Variants in ZDHHC17 observed in about 807,000 individuals in gnomAD.
The protein encoded by ZDHHC17 is palmitoyltransferase ZDHHC17.
Under a neutral mutation model 90.3 loss-of-function variants are expected in ZDHHC17, and 40 were observed. That is an observed-to-expected ratio of 0.44 (90% CI 0.34 to 0.58). The LOEUF is 0.58. ZDHHC17 is among the 20% of genes least tolerant of loss of function. ZDHHC17 has a pLI of 0.01. For missense variants in ZDHHC17, 614 were observed against 780.8 expected, an observed-to-expected ratio of 0.79 and a Z score of 2.55; for synonymous variants, 235 against 252.4, an observed-to-expected ratio of 0.93 and a Z score of 0.65.
chr12:76,772,558 C>T lies in ZDHHC17; in HGVS notation c.93+8229C>T, dbSNP rs533773068. 1.5e-4 allele frequency among the ~76,000 whole-genome samples: 20 copies of T among 134,762 alleles called. No homozygotes were observed. In the East Asian group the frequency reaches 3.3e-3, roughly 22 times the overall value. 88.4% of individuals were successfully genotyped at this position (134,762 alleles called of 152,430 possible). A position where few individuals can be genotyped will look rare whatever the true frequency, so the allele number is the denominator to read the frequency against. ...TTGTTTTTTTTTTTTTTTTTTGAGA[C>T]GGAGTCTAGCTTTGTCGCCAGGCTG... On this transcript the variant is annotated intron_variant, in intron 1 of 16. Coordinates refer to ENST00000426126, the MANE Select transcript of ZDHHC17 (RefSeq NM_015336.4).
At chr12:76,839,001 T>C (rs1953401226) in intron 10 of ZDHHC17, among the ~76,000 whole-genome samples, 1 of 152,196 alleles carries the variant, frequency 6.6e-6, no homozygotes, top group South Asian at 2.1e-4. Context: ...GGGCAGTCTT[T>C]GTAGCTTGCA....
At position 76,778,760 on chromosome 12, in the gene ZDHHC17, T is replaced by C. The variant is rs552433362; in HGVS notation, c.93+14431T>C. On this transcript the variant is annotated intron_variant, in intron 1 of 16. Coordinates refer to ENST00000426126, the MANE Select transcript of ZDHHC17 (RefSeq NM_015336.4). ...ATATTTGCCATTTGTATGTCTTGTT[T>C]GGTGAAGTGTCTCTTCACGTCTGTA... 4.6e-5 allele frequency among the ~76,000 whole-genome samples: 7 copies of C among 152,382 alleles called. 1 individual carries two copies. In the South Asian group the frequency reaches 1.2e-3, roughly 27 times the overall value.
At chr12:76,822,366 T>C in intron 7 of ZDHHC17, 40 bp from the exon 8 acceptor site, 2 of 1,603,094 alleles carry the variant, frequency 1.2e-6, no homozygotes, top group Non-Finnish European at 1.7e-6. Context: ...TAGCCTGCTT[T>C]TAAACTTTTA....
chr12:76,787,380 G>T (rs1952699802), intron 1 of ZDHHC17, among the ~76,000 whole-genome samples: 1 of 152,112 alleles, frequency 6.6e-6, no homozygotes, highest in East Asian at 1.9e-4. Context: ...GCATTTTTAT[G>T]CCCAATCAAG....
In ZDHHC17 at chr12:76,822,476, G is replaced by C; in HGVS notation, c.842G>C (p.Arg281Thr). 1 of 1,613,092 alleles carries C rather than the reference G, an allele frequency of 6.2e-7. No homozygotes were observed. Among genetic ancestry groups the C allele is most frequent in the Non-Finnish European group, 8.5e-7 (1 of 1,179,570 alleles). ...VWMINHLQEA[R>T]QAKGYDNPSF... is the part of the protein sequence containing the mutation. ...ATGATCAACCACTTACAAGAGGCAA[G>C]GCAAGCAAAAGGATATGACAATCCG... The change falls in exon 8 of 17, where the codon AGG (arginine) becomes ACG (threonine). Residue 281 changes from arginine to threonine, a missense_variant. By Grantham distance (71) the Arg-to-Thr change is moderately conservative (BLOSUM62 -1). Transcript: ENST00000426126.
At position 76,848,240 on chromosome 12, in the gene ZDHHC17, A is replaced by G. The variant is rs1953518771; in HGVS notation, c.1515A>G (p.Gly505=). 5.0e-6 allele frequency: 8 copies of G among 1,613,812 alleles called. No homozygotes were observed. The highest frequency in any genetic ancestry group is 1.1e-5 in the South Asian group (1 of 91,066). ...CTTCTGTTCTGGCTTTAGACTGGGG[A>G]CTCCACTGTGAGACCACTTACACCA... ...WMIYGCISYW[G]LHCETTYTKD... The change falls in exon 15 of 17, where the codon GGA becomes GGG. Residue 505 remains glycine, a synonymous_variant. Transcript: ENST00000426126.
At chr12:76,776,592 ATTC>A (rs1555180074) in intron 1 of ZDHHC17, among the ~76,000 whole-genome samples, 1 of 152,150 alleles carries the variant, frequency 6.6e-6, no homozygotes, top group Non-Finnish European at 1.5e-5. Flanking sequence ...GATCTTCCCT[ATTC>A]TTTGTAGTGT....
chr12:76,813,025 G>T (rs1354744992), intron 5 of ZDHHC17, among the ~76,000 whole-genome samples: 1 of 151,952 alleles, frequency 6.6e-6, no homozygotes, highest in African/African-American at 2.4e-5. Context: ...AGAGAGAAAA[G>T]GTTGAATTTC....
intron 2 of ZDHHC17, among the ~76,000 whole-genome samples, chr12:76,799,355 A>C (rs1164740847): frequency 1.3e-5 from 2 of 152,238 alleles, no homozygotes; most frequent in African/African-American, 4.8e-5. Flanking sequence ...ACTCTTTCTT[A>C]ATATAAAGAC....
In ZDHHC17 at chr12:76,764,126, A is replaced by T; in HGVS notation, c.-111A>T. On this transcript the variant is annotated 5_prime_UTR_variant, in exon 1 of 17. Coordinates refer to ENST00000426126, the MANE Select transcript of ZDHHC17 (RefSeq NM_015336.4). ...GGGACAGAGGGGGCGTCACGGGGGC[A>T]GGAGAAGAAGGAGGAGGAGGCCCGC... is the stretch of plus-strand genomic sequence containing the variant. The T allele has an allele frequency of 3.8e-6, 3 of 791,830 alleles. No homozygotes were observed. In the South Asian group the frequency reaches 5.5e-5, roughly 14 times the overall value. 49.1% of individuals were successfully genotyped at this position (791,830 alleles called of 1,614,324 possible).
chr12:76,853,115 T>C lies in ZDHHC17; in HGVS notation c.*2130T>C, dbSNP rs1236936478. The C allele has an allele frequency of 6.6e-6, 1 of 152,190 alleles. No individual in the cohort carries two copies. The highest frequency in any genetic ancestry group is 1.9e-4 in the East Asian group (1 of 5,200). 9.4% of individuals were successfully genotyped at this position (152,190 alleles called of 1,614,324 possible). Reference sequence around the variant, plus strand: ...CAATATTTTCAGTGCAAAAGAGATGTCATTCAGTTAAAAAGACAAACCTCT... The same window carrying C: ...CAATATTTTCAGTGCAAAAGAGATGCCATTCAGTTAAAAAGACAAACCTCT... On this transcript the variant is annotated 3_prime_UTR_variant, in exon 17 of 17. Transcript: ENST00000426126.
At chr12:76,795,269 T>C (rs1952805433) in intron 1 of ZDHHC17, among the ~76,000 whole-genome samples, 1 of 152,066 alleles carries the variant, frequency 6.6e-6, no homozygotes, top group South Asian at 2.1e-4. Context: ...GTTTTAAAAA[T>C]ATTCCATTAA....
At chr12:76,766,806 G>T (rs1382371482) in intron 1 of ZDHHC17, among the ~76,000 whole-genome samples, 1 of 151,834 alleles carries the variant, frequency 6.6e-6, no homozygotes, top group African/African-American at 2.4e-5. Context: ...AATCACTTGA[G>T]CCCAGGAGTT....
At chr12:76,830,357 C>T (rs1406522358) in intron 10 of ZDHHC17, among the ~76,000 whole-genome samples, 3 of 152,020 alleles carry the variant, frequency 2.0e-5, no homozygotes, top group Non-Finnish European at 4.4e-5. Flanking sequence ...ATTTTTGAGA[C>T]CTAAGGCACA....
intron 10 of ZDHHC17, among the ~76,000 whole-genome samples, chr12:76,831,655 T>G (rs940736431): frequency 6.7e-6 from 1 of 148,406 alleles, no homozygotes; most frequent in South Asian, 2.1e-4. Flanking sequence ...TGGCCTGTGG[T>G]TTTTTTTGAG....
At chr12:76,821,004 G>A (rs1377761999) in intron 7 of ZDHHC17, 6 of 1,057,760 alleles carry the variant, frequency 5.7e-6, no homozygotes, top group Non-Finnish European at 7.7e-6. Context: ...ATAGTTAGAT[G>A]ACTGGAGGAG....
chr12:76,768,551 C>T (rs1275127752), intron 1 of ZDHHC17, among the ~76,000 whole-genome samples: 1 of 152,180 alleles, frequency 6.6e-6, no homozygotes, highest in Non-Finnish European at 1.5e-5. Context: ...AAACACTGGA[C>T]GATTCAAATA....
chr12:76,851,147 AG>A lies in ZDHHC17; in HGVS notation c.*163del. 1.3e-6 allele frequency: 1 copy of A among 778,706 alleles called. No homozygotes were observed. Among genetic ancestry groups the A allele is most frequent in the Non-Finnish European group, 2.0e-6 (1 of 509,370 alleles). 48.2% of individuals were successfully genotyped at this position (778,706 alleles called of 1,614,324 possible). A position where few individuals can be genotyped will look rare whatever the true frequency, so the allele number is the denominator to read the frequency against. ...TTTTTTCAACACTTTTATTAACAAA[AG>A]TAAACATGGACAGAACACACTGCCA... On this transcript the variant is annotated 3_prime_UTR_variant, in exon 17 of 17. Transcript: ENST00000426126.
At chr12:76,812,062 A>G (rs948504307) in intron 5 of ZDHHC17, among the ~76,000 whole-genome samples, 2 of 152,178 alleles carry the variant, frequency 1.3e-5, no homozygotes, top group Non-Finnish European at 2.9e-5. Flanking sequence ...ATTTTATTAC[A>G]TATATGCAAA....
Sources: allele counts gnomAD v4.1 joint callset (sites outside exome capture counted in the v4.1 genomes callset), GRCh38; gene constraint gnomAD v4.1.1; transcripts MANE v1.5; gene names NCBI Gene and HGNC (gene_info 2026-07-23, HGNC 2026-07-21).